The following RADIL variants were observed in gnomAD, a reference collection of about 807,000 sequenced individuals.
RADIL encodes the protein Rap associating with DIL domain, also known as ras-associating and dilute domain-containing protein.
Under a neutral mutation model 97.6 loss-of-function variants are expected in RADIL, and 99 were observed. That is an observed-to-expected ratio of 1.01 (90% CI 0.86 to 1.20). The LOEUF (loss-of-function observed/expected upper bound fraction) is 1.20. Ranked by LOEUF, RADIL falls within the 50% of genes most tolerant of loss-of-function variation. The probability of loss-of-function intolerance (pLI) is 0.00; values close to 1 mark genes in which losing one functional copy is unlikely to be tolerated. For synonymous variants in RADIL, 803 were observed against 691.8 expected (o/e 1.16, Z -2.52); for missense variants, 1,765 against 1,498.9 (o/e 1.18, Z -2.93).
In RADIL at chr7:4,879,798, G is replaced by A. The variant is rs1397244006; in HGVS notation, c.-64-1595C>T. Among the ~76,000 whole-genome samples the A allele has an allele frequency of 2.0e-5, 3 of 152,140 alleles. No homozygotes were observed. Among genetic ancestry groups the A allele is most frequent in the South Asian group, 4.1e-4 (2 of 4,832 alleles). On this transcript the variant is annotated intron_variant, in intron 1 of 14. Transcript: ENST00000399583. This position sits in a 1 kb window ranked among gnomAD's most constrained non-coding sequence, Gnocchi z 4.1. ...CCCCAGCCTCCAAAGCTGACACTGC[G>A]AACTGGCCTCTTTCTAATATCACCG...
In RADIL at chr7:4,800,330, G is replaced by A. The variant is rs1162771612; in HGVS notation, c.2843-20C>T. On this transcript the variant is annotated intron_variant, in intron 12 of 14. Transcript: ENST00000399583. ...AGTCTCCTGGGTGGGGGCCAGGAAAGGTGGGTGGGAGTGAGGCGCCAGGAA... is the reference window on the plus strand; with the variant it reads ...AGTCTCCTGGGTGGGGGCCAGGAAAAGTGGGTGGGAGTGAGGCGCCAGGAA... 21 of 1,430,290 alleles carry A rather than the reference G, an allele frequency of 1.5e-5. No individual in the cohort carries two copies. The highest frequency in any genetic ancestry group is 1.7e-5 in the Non-Finnish European group (19 of 1,091,660). 88.6% of individuals were successfully genotyped at this position (1,430,290 alleles called of 1,614,324 possible).
chr7:4,838,869 A>C (rs1259018454), intron 2 of RADIL, among the ~76,000 whole-genome samples: 2 of 152,230 alleles, frequency 1.3e-5, no homozygotes, highest in Admixed American at 1.3e-4. Context: ...GTGGACAGCA[A>C]CTGACCACGC....
At chr7:4,816,006 G>T (rs1782668653) in intron 8 of RADIL, among the ~76,000 whole-genome samples, 1 of 152,182 alleles carries the variant, frequency 6.6e-6, no homozygotes, top group Non-Finnish European at 1.5e-5. Context: ...CTCGGCCGTG[G>T]CTTCTCTGAA....
chr7:4,867,450 C>T lies in RADIL; in HGVS notation c.535+10155G>A, dbSNP rs1460500410. On this transcript the variant is annotated intron_variant, in intron 2 of 14. Transcript: ENST00000399583. This position sits in a 1 kb window ranked among gnomAD's most constrained non-coding sequence, Gnocchi z 4.1. Reference sequence around the variant, plus strand: ...TGGAAAACTATGAATCAGTCAAAAGCAATGAGCTGACTAGAGCACCATGGG... The same window carrying T: ...TGGAAAACTATGAATCAGTCAAAAGTAATGAGCTGACTAGAGCACCATGGG... 6.6e-6 allele frequency among the ~76,000 whole-genome samples: 1 copy of T among 152,080 alleles called. No homozygotes were observed. The highest frequency in any genetic ancestry group is 1.5e-5 in the Non-Finnish European group (1 of 67,998).
At chr7:4,833,114 C>T (rs1167109639) in intron 4 of RADIL, among the ~76,000 whole-genome samples, 1 of 152,128 alleles carries the variant, frequency 6.6e-6, no homozygotes, top group Non-Finnish European at 1.5e-5. Flanking sequence ...AGGGAGTGGG[C>T]CAGCCACACA....
chr7:4,812,287 A>G (rs942115295), intron 9 of RADIL, among the ~76,000 whole-genome samples: 4 of 152,222 alleles, frequency 2.6e-5, no homozygotes, highest in African/African-American at 9.6e-5. Flanking sequence ...CTAAATTGTC[A>G]AATTTATCAG....
At position 4,799,266 on chromosome 7, in the gene RADIL, C is replaced by G. The variant is rs1357455785; in HGVS notation, c.*112G>C. 3 of 997,318 alleles carry G rather than the reference C, an allele frequency of 3.0e-6. No homozygotes were observed. Among genetic ancestry groups the G allele is most frequent in the East Asian group, 2.5e-5 (1 of 39,380 alleles). 61.8% of individuals were successfully genotyped at this position (997,318 alleles called of 1,614,324 possible). ...AGGCATGTCCCCAGGGTGAGGCTCC[C>G]CACCCGGGACCCAACTTGGTCAGTT... On this transcript the variant is annotated 3_prime_UTR_variant, in exon 15 of 15. Coordinates refer to ENST00000399583, the MANE Select transcript of RADIL (RefSeq NM_018059.5).
At chr7:4,876,189 A>G (rs1037298845) in intron 2 of RADIL, among the ~76,000 whole-genome samples, 1 of 151,804 alleles carries the variant, frequency 6.6e-6, no homozygotes, top group South Asian at 2.1e-4. Flanking sequence ...GGGCCTCACT[A>G]TGTTACCCAG....
rs1221776314 is a variant in RADIL at position 4,834,612 on chromosome 7, C to CA, written c.1410dup (p.Val471CysfsTer28). The CA allele has an allele frequency of 3.7e-6, 5 of 1,336,808 alleles. No homozygotes were observed. Among genetic ancestry groups the CA allele is most frequent in the East Asian group, 2.8e-5 (1 of 35,614 alleles). 82.8% of individuals were successfully genotyped at this position (1,336,808 alleles called of 1,614,324 possible). A position where few individuals can be genotyped will look rare whatever the true frequency, so the allele number is the denominator to read the frequency against. On this transcript the variant is annotated frameshift_variant, in exon 4 of 15. Transcript: ENST00000399583. LOFTEE classifies it high-confidence loss of function. The surrounding 1 kb of genome is among the most constrained non-coding windows in gnomAD (Gnocchi z 6.0). ...GCCCACCCCAGCACACTGACCCAGACAGTCTCGCGGATCAGCCTGGCTATC... is the reference window on the plus strand; with the variant it reads ...GCCCACCCCAGCACACTGACCCAGACAAGTCTCGCGGATCAGCCTGGCTATC...
At position 4,878,013 on chromosome 7, in the gene RADIL, A is replaced by G. The variant is rs754804357; in HGVS notation, c.127T>C (p.Phe43Leu). The change falls in exon 2 of 15, where the codon TTC (phenylalanine) becomes CTC (leucine). Residue 43 changes from phenylalanine to leucine, a missense_variant. Phe to Leu is a conservative substitution (Grantham distance 22, BLOSUM62 0). Coordinates refer to ENST00000399583, the MANE Select transcript of RADIL (RefSeq NM_018059.5). The surrounding 1 kb of genome is among the most constrained non-coding windows in gnomAD (Gnocchi z 4.1). ...SYKYRDLDST[F>L]SSLGASDDPA... ...TCATCGCTGGCGCCCAGGCTGGAGAAGGTGGAGTCCAGGTCCCGGTACTTG... is the reference window on the plus strand; with the variant it reads ...TCATCGCTGGCGCCCAGGCTGGAGAGGGTGGAGTCCAGGTCCCGGTACTTG... 1.2e-6 allele frequency: 2 copies of G among 1,610,912 alleles called. No individual in the cohort carries two copies. The highest frequency in any genetic ancestry group is 1.7e-6 in the Non-Finnish European group (2 of 1,179,350).
At chr7:4,801,320 T>C (rs1302877734) in intron 12 of RADIL, among the ~76,000 whole-genome samples, 1 of 152,168 alleles carries the variant, frequency 6.6e-6, no homozygotes, top group African/African-American at 2.4e-5. Context: ...GACCCCTGGG[T>C]TCCCCCTCAG....
chr7:4,799,448 ATCT>A lies in RADIL; in HGVS notation c.3155_3157del (p.Lys1052del), dbSNP rs2115147507. ...GTCGGACTTCGCGACCAGGAACCGC[ATCT>A]TCTTCCCGCCATGACGGATCAGGTC... is the stretch of plus-strand genomic sequence containing the variant. On this transcript the variant is annotated inframe_deletion, in exon 15 of 15. Transcript: ENST00000399583. The A allele has an allele frequency of 6.2e-7, 1 of 1,613,784 alleles. No homozygotes were observed. The highest frequency in any genetic ancestry group is 8.5e-7 in the Non-Finnish European group (1 of 1,179,972).
In RADIL at chr7:4,836,944, A is replaced by C. The variant is rs549838461; in HGVS notation, c.536-339T>G. On this transcript the variant is annotated intron_variant, in intron 2 of 14. Coordinates refer to ENST00000399583, the MANE Select transcript of RADIL (RefSeq NM_018059.5). ...CAAGAGCGAAACTCCATCCCCCGCC[A>C]AAAAAAACAGGTAAGTCTAATAGCG... Among the ~76,000 whole-genome samples, 28 of 151,834 alleles carry C rather than the reference A, an allele frequency of 1.8e-4. No individual in the cohort carries two copies. The East Asian group carries it at 4.3e-3, about 23-fold the overall frequency.
At chr7:4,857,241 A>G (rs1377957096) in intron 2 of RADIL, among the ~76,000 whole-genome samples, 1 of 152,098 alleles carries the variant, frequency 6.6e-6, no homozygotes, top group East Asian at 1.9e-4. Context: ...CTTAATAATT[A>G]TTTTTGCTCT....
At chr7:4,831,482 G>A (rs542000303) in intron 5 of RADIL, among the ~76,000 whole-genome samples, 43 of 147,340 alleles carry the variant, frequency 2.9e-4, no homozygotes, top group Non-Finnish European at 7.4e-5. Flanking sequence ...AAGCCCGCAC[G>A]ACATAAGTTT....
chr7:4,806,599 G>C (rs1782317497), intron 9 of RADIL, among the ~76,000 whole-genome samples: 1 of 152,202 alleles, frequency 6.6e-6, no homozygotes, highest in Non-Finnish European at 1.5e-5. Context: ...TCATCCTTCT[G>C]GGGTTCCTTT....
chr7:4,839,296 G>T (rs574963068), intron 2 of RADIL, among the ~76,000 whole-genome samples: 1 of 152,312 alleles, frequency 6.6e-6, no homozygotes, highest in South Asian at 2.1e-4. Context: ...ATGGTTTTGA[G>T]CAATCTTCTT....
At chr7:4,799,893 G>C (rs75154011) in intron 13 of RADIL, 124 bp from the exon 14 acceptor site, 1 of 1,351,522 alleles carries the variant, frequency 7.4e-7, no homozygotes. Context: ...CCCACTCATG[G>C]TTTCACGCGT....
intron 2 of RADIL, chr7:4,861,557 C>G: frequency 1.2e-6 from 2 of 1,613,996 alleles, no homozygotes; most frequent in Non-Finnish European, 1.7e-6. Context: ...CTGGGGAAGA[C>G]TCTTGCTTTC....
Sources: allele counts gnomAD v4.1 joint callset (sites outside exome capture counted in the v4.1 genomes callset), GRCh38; gene constraint gnomAD v4.1.1; non-coding constraint Gnocchi (gnomAD v3.1); transcripts MANE v1.5; gene names NCBI Gene and HGNC (gene_info 2026-07-23, HGNC 2026-07-21).